Variants in DPP6 observed in about 807,000 individuals in gnomAD.
The protein encoded by DPP6 is dipeptidyl peptidase like 6, also known as A-type potassium channel modulatory protein DPP6.
A neutral mutation model predicts 122.6 loss-of-function variants in DPP6; 69 were observed. The ratio of observed to expected loss-of-function variants is 0.56; its 90% CI spans 0.46 to 0.69. DPP6 has a LOEUF of 0.69. Ranked by LOEUF, DPP6 falls within the 30% of genes least tolerant of loss-of-function variation. The pLI, the probability that DPP6 is intolerant of heterozygous loss-of-function variation, is 0.00. For synonymous variants in DPP6, 418 were observed against 433.1 expected (o/e 0.97, Z 0.43); for missense variants, 928 against 1,116.9 (o/e 0.83, Z 2.41).
In DPP6 at chr7:154,762,447, C is replaced by T. The variant is rs1301719759; in HGVS notation, c.884-6970C>T. Among the ~76,000 whole-genome samples the T allele has an allele frequency of 3.3e-5, 5 of 152,346 alleles. 1 individual carries two copies. The highest frequency in any genetic ancestry group is 3.3e-4 in the Admixed American group (5 of 15,298). ...AATAACCCCTAACCACAAATAATGG[C>T]AAGAAGTATCCATGGAGGCATCTTG... On this transcript the variant is annotated intron_variant, in intron 8 of 25. Coordinates refer to ENST00000377770, the MANE Select transcript of DPP6 (RefSeq NM_130797.4).
At chr7:154,824,262 TTGTTGTTTTG>T (rs1799992357) in intron 16 of DPP6, among the ~76,000 whole-genome samples, 1 of 53,532 alleles carries the variant, frequency 1.9e-5, no homozygotes, top group Non-Finnish European at 4.8e-5. Context: ...GTTGTTGTTG[TTGTTGTTTTG>T]TTTGTTTGTT....
chr7:153,882,079 A>T, the DPP6 span, among the ~76,000 whole-genome samples: 1 of 152,204 alleles, frequency 6.6e-6, no homozygotes, highest in Non-Finnish European at 1.5e-5. Context: ...ATTTTAAGTT[A>T]ATTTGTCTAA....
intron 1 of DPP6, among the ~76,000 whole-genome samples, chr7:154,147,202 G>T (rs983740153): frequency 7.2e-5 from 11 of 152,088 alleles, no homozygotes; most frequent in Non-Finnish European, 1.6e-4. Context: ...GGGGTCCCAG[G>T]CAAAAGTGAG....
At chr7:154,340,597 CTCTT>C (rs531648469) in intron 1 of DPP6, among the ~76,000 whole-genome samples, 4 of 152,250 alleles carry the variant, frequency 2.6e-5, no homozygotes, top group Middle Eastern at 3.4e-3. Flanking sequence ...TTCATGCTAT[CTCTT>C]TGTTTAAAAC....
rs1799250928 is a variant in DPP6 at position 154,031,872 on chromosome 7, T to G, written c.51+144138T>G. Among the ~76,000 whole-genome samples, 3 of 128,898 alleles carry G rather than the reference T, an allele frequency of 2.3e-5. No individual in the cohort carries two copies. In the South Asian group the frequency reaches 7.5e-4, roughly 32 times the overall value. 84.6% of individuals were successfully genotyped at this position (128,898 alleles called of 152,430 possible). A position where few individuals can be genotyped will look rare whatever the true frequency, so the allele number is the denominator to read the frequency against. ...TTTTCCTTTTTTTTGTTTTTTTTTT[T>G]TTTTTGGGGGACGGGGTCTCGCTCT... is the stretch of plus-strand genomic sequence containing the variant. On this transcript the variant is annotated intron_variant, in intron 1 of 25. Coordinates refer to the DPP6 transcript ENST00000404039.
chr7:153,993,565 C>CT (rs5888546), intron 1 of DPP6, among the ~76,000 whole-genome samples: 7 of 152,328 alleles, frequency 4.6e-5, no homozygotes, highest in African/African-American at 1.4e-4. Context: ...AGGTTGTAAA[C>CT]CAAAGAGTGT....
intron 6 of DPP6, among the ~76,000 whole-genome samples, chr7:154,656,629 C>T (rs1837270023): frequency 1.3e-5 from 2 of 152,146 alleles, no homozygotes. Flanking sequence ...GAAAGTGGCC[C>T]TCAGATTTGG....
intron 1 of DPP6, among the ~76,000 whole-genome samples, chr7:154,191,636 T>G (rs554943388): frequency 5.3e-5 from 8 of 152,340 alleles, no homozygotes; most frequent in Admixed American, 5.2e-4. Context: ...TGAATGAAGC[T>G]AGCTTATGTT....
chr7:154,772,881 A>T lies in DPP6; in HGVS notation c.1075A>T (p.Ile359Phe). Residue 359 changes from isoleucine (I) to phenylalanine (F), a missense_variant, in exon 10 of 26, where the codon ATT (isoleucine) becomes TTT (phenylalanine). Physicochemically the swap from Ile to Phe is conservative, Grantham distance 21. Transcript: ENST00000377770. ...SENPSISLHVIGLNGPTHDLE... is the reference protein window; with the variant it reads ...SENPSISLHVFGLNGPTHDLE... ...GAACCCCAGCATTTCCCTACACGTT[A>T]TTGGCTTAAATGGACCCACCCATGA... 1.2e-6 allele frequency: 2 copies of T among 1,612,138 alleles called. No homozygotes were observed. The highest frequency in any genetic ancestry group is 8.5e-7 in the Non-Finnish European group (1 of 1,179,456).
chr7:154,149,033 G>A (rs1245100482), intron 1 of DPP6, among the ~76,000 whole-genome samples: 1 of 152,238 alleles, frequency 6.6e-6, no homozygotes, highest in East Asian at 1.9e-4. Context: ...GTATGGTGCA[G>A]TATCTCCAGC....
intron 1 of DPP6, among the ~76,000 whole-genome samples, chr7:154,276,107 T>A (rs1023282669): frequency 5.3e-5 from 8 of 152,232 alleles, no homozygotes; most frequent in African/African-American, 1.2e-4. Flanking sequence ...AGGACAATTT[T>A]GCTAAAACAA....
the DPP6 span, among the ~76,000 whole-genome samples, chr7:153,768,527 G>C: frequency 6.6e-6 from 1 of 152,226 alleles, no homozygotes; most frequent in African/African-American, 2.4e-5. Flanking sequence ...TTCAACACTT[G>C]ATGTTATCAC....
intron 1 of DPP6, among the ~76,000 whole-genome samples, chr7:154,138,782 T>C (rs1464728286): frequency 6.6e-6 from 1 of 151,886 alleles, no homozygotes; most frequent in Non-Finnish European, 1.5e-5. Flanking sequence ...TAAAGAAATA[T>C]TAATTGGACA....
At chr7:154,047,324 T>G (rs1339071255) in intron 1 of DPP6, among the ~76,000 whole-genome samples, 1 of 146,662 alleles carries the variant, frequency 6.8e-6, no homozygotes, top group Non-Finnish European at 1.5e-5. Context: ...TTCCTATCAC[T>G]TTAACATTGA....
intron 1 of DPP6, among the ~76,000 whole-genome samples, chr7:154,229,231 G>C (rs1800779576): frequency 6.6e-6 from 1 of 152,182 alleles, no homozygotes; most frequent in African/African-American, 2.4e-5. Flanking sequence ...CCACCTCTTG[G>C]TAGCCATTGC....
intron 16 of DPP6, among the ~76,000 whole-genome samples, chr7:154,831,863 A>C (rs1029721207): frequency 6.6e-6 from 1 of 152,228 alleles, no homozygotes; most frequent in African/African-American, 2.4e-5. Context: ...TTAGAGCACC[A>C]GTAGGAACTG....
At chr7:153,853,607 C>T in the DPP6 span, among the ~76,000 whole-genome samples, 1 of 152,130 alleles carries the variant, frequency 6.6e-6, no homozygotes, top group African/African-American at 2.4e-5. Context: ...GCCATCCCAT[C>T]AGAGCTTGGA....
chr7:154,474,929 T>A lies in DPP6; in HGVS notation c.359-10T>A. ...ACAAGCTTAACTCTTTGCTTTTTATTTTTTTCTAGCGGAAGATAATAGTCT... is the reference window on the plus strand; with the variant it reads ...ACAAGCTTAACTCTTTGCTTTTTATATTTTTCTAGCGGAAGATAATAGTCT... On this transcript the variant is annotated splice_polypyrimidine_tract_variant and intron_variant, in intron 2 of 25. Coordinates refer to ENST00000377770, the MANE Select transcript of DPP6 (RefSeq NM_130797.4). The A allele has an allele frequency of 6.2e-7, 1 of 1,608,118 alleles. No homozygotes were observed. The highest frequency in any genetic ancestry group is 8.5e-7 in the Non-Finnish European group (1 of 1,174,998).
intron 1 of DPP6, among the ~76,000 whole-genome samples, chr7:153,945,591 G>A (rs570779783): frequency 1.3e-5 from 2 of 152,274 alleles, no homozygotes; most frequent in African/African-American, 2.4e-5. Flanking sequence ...CGGTGGAGGC[G>A]CTTGGAGGCA....
Sources: gnomAD v4.1 joint callset for allele counts (sites outside exome capture counted in the v4.1 genomes callset) on GRCh38, gnomAD v4.1.1 for gene constraint, MANE v1.5 for transcripts, NCBI Gene and HGNC (gene_info 2026-07-23, HGNC 2026-07-21) for gene names.